The following IQCM variants were observed in gnomAD, a reference collection of about 807,000 sequenced individuals.
IQCM encodes the protein IQ domain-containing protein M.
IQCM carries 45 observed loss-of-function variants against 57.6 expected under a neutral mutation model. The observed-to-expected ratio is 0.78, with a 90% CI of 0.62 to 1.00. The LOEUF is 1.00. IQCM is among the 50% of genes least tolerant of loss of function. The pLI is 0.00. For synonymous variants in IQCM, 148 were observed against 158.9 expected, an observed-to-expected ratio of 0.93 and a Z score of 0.51; for missense variants, 468 against 511.6, an observed-to-expected ratio of 0.91 and a Z score of 0.82.
chr4:149,356,976 G>C (rs1729043603), intron 13 of IQCM, among the ~76,000 whole-genome samples: 2 of 152,084 alleles, frequency 1.3e-5, no homozygotes, highest in African/African-American at 4.8e-5. Flanking sequence ...TTGTAAGCTG[G>C]ATTCCTAGGT....
intron 8 of IQCM, among the ~76,000 whole-genome samples, chr4:149,611,909 C>CA (rs1378885003): frequency 6.6e-6 from 1 of 151,784 alleles, no homozygotes; most frequent in East Asian, 1.9e-4. Flanking sequence ...ATCAAAATAT[C>CA]ATATGTACCC....
intron 12 of IQCM, among the ~76,000 whole-genome samples, chr4:149,456,141 C>T (rs894537034): frequency 4.0e-5 from 6 of 151,478 alleles, no homozygotes; most frequent in Non-Finnish European, 8.8e-5. Flanking sequence ...AAATGAAGAC[C>T]CAAAGAAACA....
At chr4:149,735,521 A>G (rs1295036648) in intron 3 of IQCM, 63 bp from the exon 4 acceptor site, 3 of 715,406 alleles carry the variant, frequency 4.2e-6, no homozygotes, top group East Asian at 6.8e-5. Context: ...TTACAAGTTG[A>G]CATTATAAAA....
At chr4:149,584,332 T>C (rs1752469219) in intron 9 of IQCM, among the ~76,000 whole-genome samples, 1 of 151,606 alleles carries the variant, frequency 6.6e-6, no homozygotes, top group Non-Finnish European at 1.5e-5. Context: ...AATTAAAATA[T>C]TGAGGAAGTA....
chr4:149,393,081 G>T (rs946853833), intron 13 of IQCM, among the ~76,000 whole-genome samples: 5 of 151,946 alleles, frequency 3.3e-5, no homozygotes, highest in Non-Finnish European at 7.4e-5. Context: ...AGGCTGAGAT[G>T]TAATGCTCAT....
chr4:149,755,868 C>A (rs2149948643), intron 2 of IQCM, among the ~76,000 whole-genome samples: 1 of 152,162 alleles, frequency 6.6e-6, no homozygotes, highest in South Asian at 2.1e-4. Context: ...TGCCTAAATA[C>A]CCGCCATGCA....
chr4:149,612,354 T>C (rs1391745982), intron 8 of IQCM, among the ~76,000 whole-genome samples: 1 of 152,198 alleles, frequency 6.6e-6, no homozygotes, highest in Non-Finnish European at 1.5e-5. Context: ...AATCACTTTA[T>C]GTATGTCCAA....
chr4:149,377,437 C>G (rs1730776293), intron 13 of IQCM, among the ~76,000 whole-genome samples: 1 of 152,118 alleles, frequency 6.6e-6, no homozygotes, highest in Non-Finnish European at 1.5e-5. Context: ...CTCTAGTTTC[C>G]TCCTACCTTA....
intron 12 of IQCM, chr4:149,514,578 A>G (rs1744749117): frequency 6.6e-6 from 1 of 152,230 alleles, no homozygotes; most frequent in African/African-American, 2.4e-5. Flanking sequence ...CATGTGAGTC[A>G]GGTGGGGTTC....
At chr4:149,782,680 T>TAAA (rs76715978) in intron 2 of IQCM, among the ~76,000 whole-genome samples, 4 of 136,160 alleles carry the variant, frequency 2.9e-5, no homozygotes, top group African/African-American at 1.1e-4. Flanking sequence ...ATCCAGAACT[T>TAAA]AAAAAAAAAA....
chr4:149,403,984 AT>A (rs970552183), intron 13 of IQCM, among the ~76,000 whole-genome samples: 12 of 152,130 alleles, frequency 7.9e-5, no homozygotes, highest in Non-Finnish European at 1.5e-4. Flanking sequence ...AAACAACCAA[AT>A]AAATATTTCT....
chr4:149,638,560 G>C (rs1029732980), intron 7 of IQCM, among the ~76,000 whole-genome samples: 1 of 151,752 alleles, frequency 6.6e-6, no homozygotes, highest in Non-Finnish European at 1.5e-5. Context: ...ACTACTACTC[G>C]TTAATAAAAA....
At chr4:149,691,997 T>C (rs1476645190) in intron 5 of IQCM, among the ~76,000 whole-genome samples, 1 of 152,208 alleles carries the variant, frequency 6.6e-6, no homozygotes, top group African/African-American at 2.4e-5. Flanking sequence ...GAATGTACAC[T>C]ACAGCAGAGA....
At chr4:149,410,119 G>T (rs932542315) in intron 13 of IQCM, among the ~76,000 whole-genome samples, 1 of 152,128 alleles carries the variant, frequency 6.6e-6, no homozygotes, top group Non-Finnish European at 1.5e-5. Flanking sequence ...GGAGGCAGAG[G>T]TTGCAGTGAG....
intron 5 of IQCM, among the ~76,000 whole-genome samples, chr4:149,714,452 A>G (rs578119735): frequency 1.1e-4 from 16 of 152,170 alleles, no homozygotes; most frequent in Non-Finnish European, 2.1e-4. Context: ...ATGAACTCCA[A>G]ATCCAGATAT....
At chr4:149,586,199 A>G (rs1257936920) in intron 9 of IQCM, among the ~76,000 whole-genome samples, 1 of 151,706 alleles carries the variant, frequency 6.6e-6, no homozygotes, top group Non-Finnish European at 1.5e-5. Flanking sequence ...AATATTTTCA[A>G]AATAATGTAC....
chr4:149,688,193 T>C (rs550901457), intron 5 of IQCM, among the ~76,000 whole-genome samples: 1 of 151,894 alleles, frequency 6.6e-6, no homozygotes, highest in South Asian at 2.1e-4. Flanking sequence ...TCATTTACCT[T>C]GAAAACTCTA....
At chr4:149,404,535 A>G (rs894793518) in intron 13 of IQCM, among the ~76,000 whole-genome samples, 3 of 152,108 alleles carry the variant, frequency 2.0e-5, no homozygotes, top group South Asian at 2.1e-4. Context: ...GAAAAGTTTC[A>G]ATACATGAAT....
intron 12 of IQCM, among the ~76,000 whole-genome samples, chr4:149,491,675 G>A (rs1742111303): frequency 6.6e-6 from 1 of 152,050 alleles, no homozygotes; most frequent in South Asian, 2.1e-4. Flanking sequence ...TACTTAGGTT[G>A]ATTCTATATC....
Sources: allele counts gnomAD v4.1 joint callset (sites outside exome capture counted in the v4.1 genomes callset), GRCh38; gene constraint gnomAD v4.1.1; transcripts MANE v1.5; gene names NCBI Gene and HGNC (gene_info 2026-07-23, HGNC 2026-07-21).